SHPK: variants seen among roughly 807,000 people sequenced by gnomAD.
SHPK encodes sedoheptulokinase.
In SHPK, 51 loss-of-function variants were observed where a neutral mutation model predicts 46.3. The observed-to-expected ratio is 1.10, with a 90% CI of 0.88 to 1.39. SHPK has a LOEUF of 1.39. Ranked by LOEUF, SHPK falls within the 40% of genes most tolerant of loss-of-function variation. SHPK has a pLI of 0.00. For missense variants in SHPK, 668 were observed against 641.3 expected (o/e 1.04, Z -0.45); for synonymous variants, 290 against 273.9 (o/e 1.06, Z -0.58).
intron 1 of SHPK, among the ~76,000 whole-genome samples, chr17:3,632,377 C>CT (rs775609140): frequency 2.0e-5 from 3 of 152,184 alleles, no homozygotes; most frequent in Non-Finnish European, 4.4e-5. Context: ...GATCCCAGAA[C>CT]TTTGAGACCA....
At chr17:3,627,132 C>T (rs939587372) in intron 2 of SHPK, among the ~76,000 whole-genome samples, 33 of 152,198 alleles carry the variant, frequency 2.2e-4, no homozygotes, top group Middle Eastern at 3.4e-3. Context: ...TTCCACAGAG[C>T]TGCTTGTTCT....
chr17:3,615,386 A>G lies in SHPK; in HGVS notation c.975T>C (p.Asn325=), dbSNP rs757872819. ...LGVAASLNGG[N]VLATFVHMLV... ...GCATGTGGACGAACGTGGCCAGCAC[A>G]TTGCCCCCGTTGAGTGACGCGGCCA... Residue 325 remains asparagine (N), a synonymous_variant, in exon 6 of 7, where the codon AAT becomes AAC. Coordinates refer to ENST00000225519, the MANE Select transcript of SHPK (RefSeq NM_013276.4). 7 of 1,614,050 alleles carry G rather than the reference A, an allele frequency of 4.3e-6. No individual in the cohort carries two copies. The Admixed American group carries it at 1.0e-4, about 23-fold the overall frequency.
At chr17:3,628,789 T>C (rs2075453505) in intron 2 of SHPK, among the ~76,000 whole-genome samples, 2 of 152,060 alleles carry the variant, frequency 1.3e-5, no homozygotes, top group South Asian at 4.2e-4. Flanking sequence ...GCTGGGACTA[T>C]AAACATGTCG....
chr17:3,624,460 T>TGTTTGTTTTTATTCTTTTTTGAAGTTG (rs2075421215), intron 2 of SHPK, among the ~76,000 whole-genome samples: 2 of 152,078 alleles, frequency 1.3e-5, no homozygotes, highest in African/African-American at 2.4e-5. Context: ...CCCACTTCTC[T>TGTTTGTTTTTATTCTTTTTTGAAGTTG]GTTTGTTTTT....
rs998918188 is a variant in SHPK at position 3,632,694 on chromosome 17, C to T, written c.169-2348G>A. Among the ~76,000 whole-genome samples, 6 of 152,062 alleles carry T rather than the reference C, an allele frequency of 3.9e-5. No individual in the cohort carries two copies. The East Asian group carries it at 5.8e-4, about 15-fold the overall frequency. Reference sequence around the variant, plus strand: ...AATATCAGTTGGTCTACATCCACGTCGAATCCTCGCGCTTTAGACTTGCAC... The same window carrying T: ...AATATCAGTTGGTCTACATCCACGTTGAATCCTCGCGCTTTAGACTTGCAC... On this transcript the variant is annotated intron_variant, in intron 1 of 6. Transcript: ENST00000225519.
intron 1 of SHPK, among the ~76,000 whole-genome samples, chr17:3,634,813 C>T (rs1477261095): frequency 2.0e-5 from 3 of 152,064 alleles, no homozygotes; most frequent in Non-Finnish European, 4.4e-5. Flanking sequence ...CTCAGAAATG[C>T]TTCTGAGCCA....
At chr17:3,635,243 AAGGG>A (rs1567688973) in intron 1 of SHPK, among the ~76,000 whole-genome samples, 1 of 146,958 alleles carries the variant, frequency 6.8e-6, no homozygotes, top group African/African-American at 2.5e-5. Flanking sequence ...GGAAGGAAGG[AAGGG>A]AAGGAAGGGA....
In SHPK at chr17:3,614,461, A is replaced by G. The variant is rs748618418; in HGVS notation, c.1024+876T>C. Among the ~76,000 whole-genome samples, 204 of 149,382 alleles carry G rather than the reference A, an allele frequency of 1.4e-3. 1 individual carries two copies. In the Middle Eastern group the frequency reaches 0.014, roughly 10 times the overall value. On this transcript the variant is annotated intron_variant, in intron 6 of 6. Transcript: ENST00000225519. ...AATGGCGTGAACCTGGGAGGCGGAG[A>G]TTGCAGTGAGCCGAGATCGCACTAC...
Position 3,630,261 on chromosome 17 carries a change from A to T in SHPK, c.254T>A (p.Val85Glu), listed in dbSNP as rs557044152. 11 of 1,613,812 alleles carry T rather than the reference A, an allele frequency of 6.8e-6. No individual in the cohort carries two copies. The South Asian group carries it at 1.2e-4, about 18-fold the overall frequency. ...ALPRPQLRSV[V>E]GIGVSGQMHG... Reference sequence around the variant, plus strand: ...CATCTGGCCCGACACCCCGATGCCCACGACGCTCCGGAGCTGGGGTCGGGG... The same window carrying T: ...CATCTGGCCCGACACCCCGATGCCCTCGACGCTCCGGAGCTGGGGTCGGGG... Residue 85 changes from valine (V) to glutamate (E), a missense_variant, in exon 2 of 7, where the codon GTG (valine) becomes GAG (glutamate). Transcript: ENST00000225519.
chr17:3,634,065 G>A (rs2075490585), intron 1 of SHPK, among the ~76,000 whole-genome samples: 1 of 149,758 alleles, frequency 6.7e-6, no homozygotes, highest in Admixed American at 6.7e-5. Context: ...GATGCTTGAA[G>A]GCAGCATGCC....
At position 3,615,460 on chromosome 17, in the gene SHPK, T is replaced by C. The variant is rs1358029664; in HGVS notation, c.901A>G (p.Thr301Ala). The C allele has an allele frequency of 6.2e-7, 1 of 1,614,030 alleles. No individual in the cohort carries two copies. Among genetic ancestry groups the C allele is most frequent in the Admixed American group, 1.7e-5 (1 of 59,988 alleles). The stretch of plus-strand genomic sequence containing the variant: ...TATGGGAAGTAGGCGACTGGGGCCG[T>C]AGGGTCTGGAGTCTGTGCAGGCTGG... Reference protein sequence around the residue: ...GFQPAQTPDPTAPVAYFPYFN... With the variant: ...GFQPAQTPDPAAPVAYFPYFN... The change falls in exon 6 of 7, where the codon ACG (threonine) becomes GCG (alanine). Residue 301 changes from threonine (T) to alanine (A), a missense_variant. Physicochemically the swap from Thr to Ala is moderately conservative, Grantham distance 58 (BLOSUM62 0). Coordinates refer to ENST00000225519, the MANE Select transcript of SHPK (RefSeq NM_013276.4).
chr17:3,625,484 C>T (rs1333989106), intron 2 of SHPK, among the ~76,000 whole-genome samples: 7 of 152,180 alleles, frequency 4.6e-5, no homozygotes, highest in African/African-American at 7.2e-5. Flanking sequence ...GAGGAGACCA[C>T]GGGCAAAGAG....
At chr17:3,635,903 T>C (rs111798650) in intron 1 of SHPK, 149 bp downstream of exon 1, 49,519 of 773,584 alleles carry the variant, frequency 0.064, 1,918 homozygotes, top group Middle Eastern at 0.099. Flanking sequence ...TGAGCACAGC[T>C]GCTGCAGGCA....
chr17:3,622,599 G>A, intron 4 of SHPK: 1 of 985,054 alleles, frequency 1.0e-6, no homozygotes, highest in Non-Finnish European at 1.2e-6. Context: ...GGGCCCTGAA[G>A]GAAGTGAACT....
intron 4 of SHPK, among the ~76,000 whole-genome samples, chr17:3,621,780 A>ATGAG (rs2075405118): frequency 6.8e-6 from 1 of 147,990 alleles, no homozygotes; most frequent in East Asian, 2.0e-4. Context: ...AGCCTCCCTA[A>ATGAG]TAGCTGGGAT....
chr17:3,630,067 G>T, intron 2 of SHPK, 138 bp downstream of exon 2: 1 of 1,062,414 alleles, frequency 9.4e-7, no homozygotes, highest in Non-Finnish European at 1.4e-6. Flanking sequence ...GAGGCAGCAC[G>T]TATTCGTCCA....
chr17:3,617,650 G>A (rs550331888), intron 5 of SHPK, among the ~76,000 whole-genome samples: 2 of 152,180 alleles, frequency 1.3e-5, no homozygotes, highest in Admixed American at 1.3e-4. Flanking sequence ...ACATAAGGAA[G>A]TTTTAACCTA....
intron 5 of SHPK, among the ~76,000 whole-genome samples, chr17:3,616,517 A>G (rs1204837417): frequency 6.6e-6 from 1 of 152,184 alleles, no homozygotes; most frequent in Non-Finnish European, 1.5e-5. Context: ...GAGCCAGGAC[A>G]TCCCACCCCA....
Position 3,636,244 on chromosome 17 carries a change from A to T in SHPK, c.-25T>A, listed in dbSNP as rs771852268. Reference sequence around the variant, plus strand: ...TTATCTCCCTGACCCGCGCAGCTCCAGTCTGCAGCCAGCGGCCCCACAAGT... The same window carrying T: ...TTATCTCCCTGACCCGCGCAGCTCCTGTCTGCAGCCAGCGGCCCCACAAGT... On this transcript the variant is annotated 5_prime_UTR_variant, in exon 1 of 7. Coordinates refer to ENST00000225519, the MANE Select transcript of SHPK (RefSeq NM_013276.4). The T allele has an allele frequency of 6.3e-7, 1 of 1,577,718 alleles. No homozygotes were observed. Among genetic ancestry groups the T allele is most frequent in the African/African-American group, 1.4e-5 (1 of 72,900 alleles).
Sources: allele counts gnomAD v4.1 joint callset (sites outside exome capture counted in the v4.1 genomes callset), GRCh38; gene constraint gnomAD v4.1.1; transcripts MANE v1.5; gene names NCBI Gene and HGNC (gene_info 2026-07-23, HGNC 2026-07-21).